The following CWF19L2 variants were observed in gnomAD, a reference collection of about 807,000 sequenced individuals.
The protein encoded by CWF19L2 is CWF19 like cell cycle control factor 2.
In CWF19L2, 98 loss-of-function variants were observed where a neutral mutation model predicts 111.7. That is an observed-to-expected ratio of 0.88 (90% CI 0.75 to 1.04). The LOEUF is 1.04. Ranked by LOEUF, CWF19L2 falls within the 50% of genes least tolerant of loss-of-function variation. The probability of loss-of-function intolerance (pLI) is 0.00; values close to 1 mark genes in which losing one functional copy is unlikely to be tolerated. For synonymous variants in CWF19L2, 351 were observed against 342.9 expected (o/e 1.02, Z -0.26); for missense variants, 1,101 against 1,051.4 (o/e 1.05, Z -0.65).
chr11:107,403,000 G>A (rs1169529697), intron 10 of CWF19L2, among the ~76,000 whole-genome samples: 1 of 150,348 alleles, frequency 6.7e-6, no homozygotes, highest in Non-Finnish European at 1.5e-5. Context: ...TGTAACTCAG[G>A]AATGGAAAAC....
intron 10 of CWF19L2, among the ~76,000 whole-genome samples, chr11:107,393,307 AATG>A (rs915756581): frequency 6.6e-6 from 1 of 152,152 alleles, no homozygotes; most frequent in African/African-American, 2.4e-5. Flanking sequence ...TAGCAAATAT[AATG>A]ATACTACCCG....
At chr11:107,346,520 TGCA>T (rs1860083092) in intron 14 of CWF19L2, among the ~76,000 whole-genome samples, 1 of 152,166 alleles carries the variant, frequency 6.6e-6, no homozygotes, top group African/African-American at 2.4e-5. Flanking sequence ...CATGCTACAC[TGCA>T]GAACCTTCAA....
At chr11:107,331,799 A>G (rs893925220) in intron 16 of CWF19L2, among the ~76,000 whole-genome samples, 7 of 152,236 alleles carry the variant, frequency 4.6e-5, no homozygotes, top group Non-Finnish European at 8.8e-5. Flanking sequence ...CTACTTTCAC[A>G]CAAAGGCAAC....
Position 107,329,922 on chromosome 11 carries a change from C to T in CWF19L2, c.2537G>A (p.Gly846Glu). Residue 846 changes from glycine (G) to glutamate (E), a missense_variant, in exon 17 of 18, where the codon GGA becomes GAA. Physicochemically the swap from Gly to Glu is moderately conservative, Grantham distance 98. Coordinates refer to ENST00000282251, the MANE Select transcript of CWF19L2 (RefSeq NM_152434.3). ...EDQHKFPHYFGKEIIGGMLDI... is the reference protein window; with the variant it reads ...EDQHKFPHYFEKEIIGGMLDI... Reference sequence around the variant, plus strand: ...TTATCAAATTTGTAAGCCTACCTTTCCAAAGTAATGAGGGAATTTGTGCTG... The same window carrying T: ...TTATCAAATTTGTAAGCCTACCTTTTCAAAGTAATGAGGGAATTTGTGCTG... 3 of 1,563,434 alleles carry T rather than the reference C, an allele frequency of 1.9e-6. No individual in the cohort carries two copies. The highest frequency in any genetic ancestry group is 2.6e-6 in the Non-Finnish European group (3 of 1,157,992).
chr11:107,406,807 T>A (rs667835), intron 10 of CWF19L2, among the ~76,000 whole-genome samples: 1 of 151,684 alleles, frequency 6.6e-6, no homozygotes, highest in African/African-American at 2.4e-5. Context: ...TTTCAGTTTT[T>A]AATCTATCCT....
chr11:107,355,024 T>TC (rs1860214965), intron 12 of CWF19L2, among the ~76,000 whole-genome samples: 1 of 152,206 alleles, frequency 6.6e-6, no homozygotes. Context: ...GTCTTTTTTT[T>TC]CCATTACACT....
chr11:107,329,031 G>T (rs189723827), intron 17 of CWF19L2, among the ~76,000 whole-genome samples: 151 of 152,292 alleles, frequency 9.9e-4, no homozygotes, highest in Middle Eastern at 3.4e-3. Flanking sequence ...TTCCTCTGCA[G>T]GAGATGAAAG....
chr11:107,403,560 C>A, intron 10 of CWF19L2: 1 of 794,934 alleles, frequency 1.3e-6, no homozygotes, highest in Non-Finnish European at 2.3e-6. Flanking sequence ...GACGTGCCTT[C>A]TTCACCATTC....
chr11:107,425,706 C>T (rs11212227), intron 8 of CWF19L2, among the ~76,000 whole-genome samples: 8,171 of 151,990 alleles, frequency 0.054, 250 homozygotes, highest in East Asian at 0.11. Flanking sequence ...GATCTCACAA[C>T]TATACTCAAA....
At chr11:107,348,818 G>A (rs903240910) in intron 14 of CWF19L2, 119 bp downstream of exon 14, 9 of 524,220 alleles carry the variant, frequency 1.7e-5, no homozygotes, top group Admixed American at 3.4e-5. Context: ...GAAAACACAC[G>A]TGTTTAAGTT....
At chr11:107,334,453 C>T (rs1284615772) in intron 16 of CWF19L2, among the ~76,000 whole-genome samples, 2 of 152,142 alleles carry the variant, frequency 1.3e-5, no homozygotes, top group Admixed American at 6.5e-5. Context: ...AATAGTGAAC[C>T]TTTGTATAAG....
chr11:107,347,845 G>A (rs958836139), intron 14 of CWF19L2, among the ~76,000 whole-genome samples: 25 of 152,210 alleles, frequency 1.6e-4, no homozygotes, highest in African/African-American at 6.0e-4. Context: ...TATACACATT[G>A]TATTCCTATA....
rs1030726214 is a variant in CWF19L2, at chr11:107,354,680, A to G, written c.1873-944T>C. Among the ~76,000 whole-genome samples the G allele has an allele frequency of 8.5e-5, 13 of 152,324 alleles. 1 individual carries two copies. Among genetic ancestry groups the G allele is most frequent in the African/African-American group, 2.9e-4 (12 of 41,570 alleles). ...TTTGTGCATGAAACAAAGTTTATGT[A>G]TATTGAACTATCAGAAGGCAAAGAT... On this transcript the variant is annotated intron_variant, in intron 12 of 17. Coordinates refer to ENST00000282251, the MANE Select transcript of CWF19L2 (RefSeq NM_152434.3).
intron 14 of CWF19L2, among the ~76,000 whole-genome samples, chr11:107,340,124 C>T (rs896141720): frequency 6.6e-6 from 1 of 152,022 alleles, no homozygotes; most frequent in African/African-American, 2.4e-5. Flanking sequence ...GAGTATTTTG[C>T]AGAACAAAAG....
chr11:107,356,290 G>A lies in CWF19L2; in HGVS notation c.1873-2554C>T, dbSNP rs1239937335. On this transcript the variant is annotated intron_variant, in intron 12 of 17. Coordinates refer to ENST00000282251, the MANE Select transcript of CWF19L2 (RefSeq NM_152434.3). ...AACATCTGTATTAAAAGACAAGAAAGGTCTCAAATCAATGATGCCAACTGC... is the reference window on the plus strand; with the variant it reads ...AACATCTGTATTAAAAGACAAGAAAAGTCTCAAATCAATGATGCCAACTGC... Among the ~76,000 whole-genome samples, 3 of 152,038 alleles carry A rather than the reference G, an allele frequency of 2.0e-5. No individual in the cohort carries two copies. In the East Asian group the frequency reaches 5.8e-4, roughly 29 times the overall value.
rs1343742181 is a variant in CWF19L2 at position 107,390,053 on chromosome 11, T to C, written c.1872+21A>G. The C allele has an allele frequency of 2.5e-6, 4 of 1,605,136 alleles. No individual in the cohort carries two copies. In the African/African-American group the frequency reaches 5.4e-5, roughly 22 times the overall value. ...TAATCAGCTTCTCAAAATTCAGAGG[T>C]ATCCTAGGAATATATCTTACCTTAG... is the stretch of plus-strand genomic sequence containing the variant. On this transcript the variant is annotated intron_variant, in intron 12 of 17. Transcript: ENST00000282251.
chr11:107,380,046 C>CAAAAAAAAAAAAAAAAAAAAAAAA (rs66699460), intron 12 of CWF19L2, among the ~76,000 whole-genome samples: 1 of 34,490 alleles, frequency 2.9e-5, no homozygotes, highest in Non-Finnish European at 5.1e-5. Flanking sequence ...GACACCGTCT[C>CAAAAAAAAAAAAAAAAAAAAAAAA]AAAAAAAAAA....
chr11:107,403,348 A>C, intron 10 of CWF19L2: 1 of 564,430 alleles, frequency 1.8e-6, no homozygotes, highest in Non-Finnish European at 3.2e-6. Context: ...AAAACCAAAA[A>C]ACTTTTTTTC....
chr11:107,371,308 T>C (rs1191930683), intron 12 of CWF19L2, among the ~76,000 whole-genome samples: 1 of 137,682 alleles, frequency 7.3e-6, no homozygotes, highest in Non-Finnish European at 1.6e-5. Flanking sequence ...CGGCCTCTAG[T>C]TTCTATCTTT....
Sources: allele counts gnomAD v4.1 joint callset (sites outside exome capture counted in the v4.1 genomes callset), GRCh38; gene constraint gnomAD v4.1.1; transcripts MANE v1.5; gene names NCBI Gene and HGNC (gene_info 2026-07-23, HGNC 2026-07-21).